NOPCHAP1: variants seen among roughly 807,000 people sequenced by gnomAD.
NOPCHAP1 encodes the protein NOP protein chaperone 1, also known as DNA damage-sensitive RNA 1.
Under a neutral mutation model 14.0 loss-of-function variants are expected in NOPCHAP1, and 13 were observed. That is an observed-to-expected ratio of 0.93 (90% CI 0.60 to 1.47). The LOEUF is 1.47. Among genes scored for constraint, NOPCHAP1 ranks in the 40% most tolerant of loss-of-function variants. The pLI is 0.00. For synonymous variants in NOPCHAP1, 78 were observed against 78.4 expected (o/e 1.00, Z 0.03); for missense variants, 230 against 226.9 (o/e 1.01, Z -0.09).
In NOPCHAP1 at chr12:105,016,079, G is replaced by C. The variant is rs1279306013; in HGVS notation, c.*21383G>C. The C allele has an allele frequency of 6.6e-6, 1 of 150,746 alleles. No individual in the cohort carries two copies. Among genetic ancestry groups the C allele is most frequent in the Non-Finnish European group, 1.5e-5 (1 of 67,884 alleles). 9.3% of individuals were successfully genotyped at this position (150,746 alleles called of 1,614,324 possible). ...TCATCCCCATAAATATTAAAAACTA[G>C]TGTGTTGCAAATAAATTCAAAAGAT... On this transcript the variant is annotated 3_prime_UTR_variant, in exon 4 of 4. Coordinates refer to ENST00000552951, the MANE Select transcript of NOPCHAP1 (RefSeq NM_152318.3).
rs1305392296 is a variant in NOPCHAP1 at position 105,006,390 on chromosome 12, G to A, written c.*11694G>A. ...CCTGACCCTAGAGGCTGAATTAGAA[G>A]CCTTCTGTTTGGGGGAAAGCAGACC... On this transcript the variant is annotated 3_prime_UTR_variant, in exon 4 of 4. Coordinates refer to ENST00000552951, the MANE Select transcript of NOPCHAP1 (RefSeq NM_152318.3). The A allele has an allele frequency of 1.3e-5, 2 of 152,150 alleles. No homozygotes were observed. Among genetic ancestry groups the A allele is most frequent in the African/African-American group, 2.4e-5 (1 of 41,418 alleles). The allele number at this position is 152,150 out of a possible 1,614,324, so 9.4% of individuals were successfully genotyped here.
At position 104,986,327 on chromosome 12, in the gene NOPCHAP1, C is replaced by T. The variant is rs1293015643; in HGVS notation, c.-26C>T. ...CCCGAGCCTTTTTCCTGCATCCGGG[C>T]CTGAGAGTGCAGGCTTGAGGGAAGC... is the stretch of plus-strand genomic sequence containing the variant. On this transcript the variant is annotated 5_prime_UTR_variant, in exon 1 of 4. Coordinates refer to ENST00000552951, the MANE Select transcript of NOPCHAP1 (RefSeq NM_152318.3). 2 of 1,578,658 alleles carry T rather than the reference C, an allele frequency of 1.3e-6. No homozygotes were observed. Among genetic ancestry groups the T allele is most frequent in the East Asian group, 2.3e-5 (1 of 43,386 alleles).
rs1873586059 is a variant in NOPCHAP1 at position 105,000,426 on chromosome 12, C to T, written c.*5730C>T. The T allele has an allele frequency of 6.6e-6, 1 of 152,152 alleles. No individual in the cohort carries two copies. Among genetic ancestry groups the T allele is most frequent in the Non-Finnish European group, 1.5e-5 (1 of 68,034 alleles). 9.4% of individuals were successfully genotyped at this position (152,152 alleles called of 1,614,324 possible). A position where few individuals can be genotyped will look rare whatever the true frequency, so the allele number is the denominator to read the frequency against. On this transcript the variant is annotated 3_prime_UTR_variant, in exon 4 of 4. Transcript: ENST00000552951. ...TAGCCCACAAACCCAAACAGTTGCT[C>T]TGTTTTTTCTGCTAGAGCATGAGCC... is the stretch of plus-strand genomic sequence containing the variant.
chr12:104,995,572 T>C lies in NOPCHAP1; in HGVS notation c.*876T>C, dbSNP rs573249805. On this transcript the variant is annotated 3_prime_UTR_variant, in exon 4 of 4. Transcript: ENST00000552951. ...AGGTCTGGTTGGTCATAAAATAAGA[T>C]TTTTCCCTATCTGTGCATTAGTTTT... 12 of 152,232 alleles carry C rather than the reference T, an allele frequency of 7.9e-5. No homozygotes were observed. The East Asian group carries it at 2.1e-3, about 27-fold the overall frequency. The allele number at this position is 152,232 out of a possible 1,614,324, so 9.4% of individuals were successfully genotyped here.
rs1873807413 is a variant in NOPCHAP1, at chr12:105,010,947, A to G, written c.*16251A>G. 1 of 152,204 alleles carries G rather than the reference A, an allele frequency of 6.6e-6. No individual in the cohort carries two copies. The highest frequency in any genetic ancestry group is 2.1e-4 in the South Asian group (1 of 4,832). 9.4% of individuals were successfully genotyped at this position (152,204 alleles called of 1,614,324 possible). ...TGATGTGGTGCTGAGAAGAATGTAT[A>G]TTCTGTTGATTTGGAGTGGAGAGTT... On this transcript the variant is annotated 3_prime_UTR_variant, in exon 4 of 4. Coordinates refer to ENST00000552951, the MANE Select transcript of NOPCHAP1 (RefSeq NM_152318.3).
Position 105,016,429 on chromosome 12 carries a change from CTTTATTG to C in NOPCHAP1, c.*21735_*21741del, listed in dbSNP as rs1448478593. 6.6e-6 allele frequency: 1 copy of C among 152,128 alleles called. No individual in the cohort carries two copies. Among genetic ancestry groups the C allele is most frequent in the Admixed American group, 6.5e-5 (1 of 15,274 alleles). The allele number at this position is 152,128 out of a possible 1,614,324, so 9.4% of individuals were successfully genotyped here. A position where few individuals can be genotyped will look rare whatever the true frequency, so the allele number is the denominator to read the frequency against. ...GAGTTGTAAATGTAACTTTTGAGGA[CTTTATTG>C]TATGTATGCGTATTAGTCTGTTCTC... is the stretch of plus-strand genomic sequence containing the variant. On this transcript the variant is annotated 3_prime_UTR_variant, in exon 4 of 4. Coordinates refer to ENST00000552951, the MANE Select transcript of NOPCHAP1 (RefSeq NM_152318.3).
rs898525611 is a variant in NOPCHAP1, at chr12:104,995,371, C to T, written c.*675C>T. 1 of 152,216 alleles carries T rather than the reference C, an allele frequency of 6.6e-6. No individual in the cohort carries two copies. The highest frequency in any genetic ancestry group is 6.5e-5 in the Admixed American group (1 of 15,272). The allele number at this position is 152,216 out of a possible 1,614,324, so 9.4% of individuals were successfully genotyped here. A position where few individuals can be genotyped will look rare whatever the true frequency, so the allele number is the denominator to read the frequency against. ...GTGTCCAAAGAAACAATAGTGTCAG[C>T]TACAAATTGTATTGAATTTTCTGTA... On this transcript the variant is annotated 3_prime_UTR_variant, in exon 4 of 4. Transcript: ENST00000552951.
intron 2 of NOPCHAP1, among the ~76,000 whole-genome samples, chr12:104,989,999 A>G (rs189038164): frequency 1.2e-3 from 187 of 152,228 alleles, no homozygotes; most frequent in African/African-American, 4.5e-3. Flanking sequence ...TTCCTTGAAC[A>G]TACAAAGTAT....
In NOPCHAP1 at chr12:104,988,254, G is replaced by A; in HGVS notation, c.202+1G>A. 1 of 1,603,014 alleles carries A rather than the reference G, an allele frequency of 6.2e-7. No individual in the cohort carries two copies. The highest frequency in any genetic ancestry group is 8.5e-7 in the Non-Finnish European group (1 of 1,170,984). On this transcript the variant is annotated splice_donor_variant, in intron 2 of 3. Transcript: ENST00000552951. LOFTEE classifies it high-confidence loss of function. ...ACAGTTCGGATAGAGAGGAGTCCCT[G>A]TAAGTACCTCTTCCCCTCTCTCACC... is the stretch of plus-strand genomic sequence containing the variant.
Position 105,005,477 on chromosome 12 carries a change from A to C in NOPCHAP1, c.*10781A>C, listed in dbSNP as rs1706092306. On this transcript the variant is annotated 3_prime_UTR_variant, in exon 4 of 4. Coordinates refer to ENST00000552951, the MANE Select transcript of NOPCHAP1 (RefSeq NM_152318.3). ...GAGGCTGAAGTGAAGTTACAGAGTT[A>C]CACCCTATGCAAACATCTGATTGGT... The C allele has an allele frequency of 6.6e-6, 1 of 152,250 alleles. No individual in the cohort carries two copies. Among genetic ancestry groups the C allele is most frequent in the Admixed American group, 6.5e-5 (1 of 15,284 alleles). 9.4% of individuals were successfully genotyped at this position (152,250 alleles called of 1,614,324 possible).
rs1129593 is a variant in NOPCHAP1 at position 104,986,374 on chromosome 12, A to T, written c.22A>T (p.Lys8Ter). 1.2e-6 allele frequency: 2 copies of T among 1,609,634 alleles called. No individual in the cohort carries two copies. Among genetic ancestry groups the T allele is most frequent in the East Asian group, 2.2e-5 (1 of 44,624 alleles). MEVHGKP[K>*]ASPSCSSPTR... ...AAGCATGGAGGTCCATGGCAAGCCC[A>T]AGGCTAGCCCGAGTTGTTCGTCGCC... is the stretch of plus-strand genomic sequence containing the variant. The change falls in exon 1 of 4, where the codon AAG becomes TAG. Residue 8 changes from lysine to a stop codon, truncating the protein, a stop_gained. Transcript: ENST00000552951. LOFTEE classifies it high-confidence loss of function.
intron 2 of NOPCHAP1, 113 bp downstream of exon 2, chr12:104,988,366 A>T (rs1047564649): frequency 1.1e-5 from 8 of 697,028 alleles, no homozygotes; most frequent in African/African-American, 1.8e-5. Context: ...AGTCCAGTGG[A>T]ACAAGTCCTA....
chr12:105,015,379 A>G lies in NOPCHAP1; in HGVS notation c.*20683A>G, dbSNP rs1355029857. ...GATAATAAATGGATTAAATGGATGCATGAAGGTATACAGGAGACTTTAAGC... is the reference window on the plus strand; with the variant it reads ...GATAATAAATGGATTAAATGGATGCGTGAAGGTATACAGGAGACTTTAAGC... On this transcript the variant is annotated 3_prime_UTR_variant, in exon 4 of 4. Transcript: ENST00000552951. 1 of 152,244 alleles carries G rather than the reference A, an allele frequency of 6.6e-6. No homozygotes were observed. Among genetic ancestry groups the G allele is most frequent in the Non-Finnish European group, 1.5e-5 (1 of 68,044 alleles). 9.4% of individuals were successfully genotyped at this position (152,244 alleles called of 1,614,324 possible).
At position 105,011,811 on chromosome 12, in the gene NOPCHAP1, A is replaced by G. The variant is rs534254482; in HGVS notation, c.*17115A>G. 9.2e-5 allele frequency: 14 copies of G among 152,306 alleles called. No homozygotes were observed. Among genetic ancestry groups the G allele is most frequent in the Admixed American group, 5.2e-4 (8 of 15,306 alleles). 9.4% of individuals were successfully genotyped at this position (152,306 alleles called of 1,614,324 possible). On this transcript the variant is annotated 3_prime_UTR_variant, in exon 4 of 4. Coordinates refer to ENST00000552951, the MANE Select transcript of NOPCHAP1 (RefSeq NM_152318.3). ...ATTCTTCTTTTTAAGAATGTTGAAT[A>G]TTGGCCCCCACTCTCTTCTGGCTTG... is the stretch of plus-strand genomic sequence containing the variant.
chr12:104,990,429 GA>G (rs1174802946), intron 2 of NOPCHAP1, among the ~76,000 whole-genome samples: 1 of 152,200 alleles, frequency 6.6e-6, no homozygotes, highest in Non-Finnish European at 1.5e-5. Flanking sequence ...TCTGTAATCT[GA>G]AGGGGAATGA....
At chr12:104,986,587 CG>C in intron 1 of NOPCHAP1, 120 bp downstream of exon 1, 2 of 803,006 alleles carry the variant, frequency 2.5e-6, no homozygotes, top group Non-Finnish European at 3.7e-6. Context: ...AGGGGAGCCC[CG>C]GGGACTGCTG....
At chr12:104,989,025 A>G (rs897477810) in intron 2 of NOPCHAP1, among the ~76,000 whole-genome samples, 1 of 147,390 alleles carries the variant, frequency 6.8e-6, no homozygotes, top group African/African-American at 2.5e-5. Flanking sequence ...TTTTTTTTTT[A>G]CGAAGAAGAA....
rs1873757608 is a variant in NOPCHAP1, at chr12:105,008,811, C to T, written c.*14115C>T. Reference sequence around the variant, plus strand: ...TGGTTGTAGATGTGTGGTATTATTTCTGAGGCCTCTGTTCTGTTCTGTTGG... The same window carrying T: ...TGGTTGTAGATGTGTGGTATTATTTTTGAGGCCTCTGTTCTGTTCTGTTGG... On this transcript the variant is annotated 3_prime_UTR_variant, in exon 4 of 4. Coordinates refer to ENST00000552951, the MANE Select transcript of NOPCHAP1 (RefSeq NM_152318.3). 6.6e-6 allele frequency: 1 copy of T among 152,172 alleles called. No homozygotes were observed. The highest frequency in any genetic ancestry group is 2.4e-5 in the African/African-American group (1 of 41,440). 9.4% of individuals were successfully genotyped at this position (152,172 alleles called of 1,614,324 possible).
In NOPCHAP1 at chr12:104,999,175, G is replaced by C. The variant is rs1467055654; in HGVS notation, c.*4479G>C. 2 of 152,304 alleles carry C rather than the reference G, an allele frequency of 1.3e-5. No individual in the cohort carries two copies. Among genetic ancestry groups the C allele is most frequent in the African/African-American group, 4.8e-5 (2 of 41,422 alleles). 9.4% of individuals were successfully genotyped at this position (152,304 alleles called of 1,614,324 possible). A position where few individuals can be genotyped will look rare whatever the true frequency, so the allele number is the denominator to read the frequency against. ...CCAGGTGCACATGTACCCACACACT[G>C]GCAGGAAATTGGAGGCGAGGTCTGT... On this transcript the variant is annotated 3_prime_UTR_variant, in exon 4 of 4. Transcript: ENST00000552951.
Sources: gnomAD v4.1 joint callset for allele counts (sites outside exome capture counted in the v4.1 genomes callset) on GRCh38, gnomAD v4.1.1 for gene constraint, MANE v1.5 for transcripts, NCBI Gene and HGNC (gene_info 2026-07-23, HGNC 2026-07-21) for gene names.